The following ZNF737 variants were observed in gnomAD, a reference collection of about 807,000 sequenced individuals.
ZNF737 encodes the protein zinc finger protein 102 (Y3).
ZNF737 carries 13 observed loss-of-function variants against 11.7 expected under a neutral mutation model. The ratio of observed to expected loss-of-function variants is 1.11; its 90% CI spans 0.73 to 1.77. The LOEUF (loss-of-function observed/expected upper bound fraction) is 1.77, where lower values mean the gene tolerates loss of function less well. ZNF737 is among the 40% of genes most tolerant of loss of function. The probability of loss-of-function intolerance (pLI) is 0.00; values close to 1 mark genes in which losing one functional copy is unlikely to be tolerated. For synonymous variants in ZNF737, 217 were observed against 216.2 expected (o/e 1.00, Z -0.03); for missense variants, 636 against 638.0 (o/e 1.00, Z 0.03).
rs996541769 is a variant in ZNF737, at chr19:20,541,904, T to G, written c.*2688A>C. ...TTACCATAATGTAATTACTACATATTGTAGGCCTGAGTCAAAAGATGCCAT... is the reference window on the plus strand; with the variant it reads ...TTACCATAATGTAATTACTACATATGGTAGGCCTGAGTCAAAAGATGCCAT... On this transcript the variant is annotated 3_prime_UTR_variant, in exon 4 of 4. Coordinates refer to ENST00000427401, the MANE Select transcript of ZNF737 (RefSeq NM_001159293.2). 1 of 486,594 alleles carries G rather than the reference T, an allele frequency of 2.1e-6. No homozygotes were observed. Among genetic ancestry groups the G allele is most frequent in the Non-Finnish European group, 2.7e-6 (1 of 374,820 alleles). 30.1% of individuals were successfully genotyped at this position (486,594 alleles called of 1,614,324 possible).
At chr19:20,551,964 GAAA>G (rs34524374) in intron 3 of ZNF737, among the ~76,000 whole-genome samples, 3 of 140,344 alleles carry the variant, frequency 2.1e-5, no homozygotes. Context: ...AAGCAATCTT[GAAA>G]AAAAAAAAGA....
chr19:20,542,756 T>G lies in ZNF737; in HGVS notation c.*1836A>C. 1 of 984,854 alleles carries G rather than the reference T, an allele frequency of 1.0e-6. No individual in the cohort carries two copies. The highest frequency in any genetic ancestry group is 1.2e-6 in the Non-Finnish European group (1 of 829,452). 61.0% of individuals were successfully genotyped at this position (984,854 alleles called of 1,614,324 possible). On this transcript the variant is annotated 3_prime_UTR_variant, in exon 4 of 4. Transcript: ENST00000427401. ...ACATTTTAATGTTCTTACTATTTTATAGAAAAAGTCATAATGTCCAAATAA... is the reference window on the plus strand; with the variant it reads ...ACATTTTAATGTTCTTACTATTTTAGAGAAAAAGTCATAATGTCCAAATAA...
chr19:20,552,817 G>T (rs573747362), intron 2 of ZNF737, among the ~76,000 whole-genome samples: 109 of 152,038 alleles, frequency 7.2e-4, no homozygotes, highest in Non-Finnish European at 1.4e-3. Context: ...TTAGAGACCA[G>T]CCTGGCCAGC....
At chr19:20,563,283 C>A (rs1353652303) in intron 1 of ZNF737, among the ~76,000 whole-genome samples, 1 of 148,630 alleles carries the variant, frequency 6.7e-6, no homozygotes, top group African/African-American at 2.5e-5. Context: ...CAGGCTGGGA[C>A]ATGTGCAGGG....
intron 1 of ZNF737, 118 bp downstream of exon 1, chr19:20,565,520 A>T: frequency 6.4e-7 from 1 of 1,551,284 alleles, no homozygotes; most frequent in Non-Finnish European, 8.9e-7. Flanking sequence ...GGCAAGGAGA[A>T]CTCAGGGTGC....
downstream of ZNF737, among the ~76,000 whole-genome samples, chr19:20,531,351 T>C (rs950858016): frequency 2.7e-5 from 4 of 149,854 alleles, no homozygotes; most frequent in Admixed American, 1.3e-4. Context: ...CTGTTGTTGA[T>C]TTTAAAATTA....
At chr19:20,564,435 T>A (rs1555763272) in intron 1 of ZNF737, among the ~76,000 whole-genome samples, 1 of 152,026 alleles carries the variant, frequency 6.6e-6, no homozygotes, top group Non-Finnish European at 1.5e-5. Flanking sequence ...ATTTTCCCTA[T>A]TTTTTTCCTT....
At chr19:20,530,802 T>C in the ZNF737 span, among the ~76,000 whole-genome samples, 85,268 of 143,554 alleles carry the variant, frequency 0.59, 29,066 homozygotes, top group African/African-American at 0.88. Context: ...CAGGCAGAGA[T>C]GCTCCTCACT....
At chr19:20,535,378 A>C (rs1967932633), downstream of ZNF737, among the ~76,000 whole-genome samples, 1 of 152,234 alleles carries the variant, frequency 6.6e-6, no homozygotes, top group African/African-American at 2.4e-5. Flanking sequence ...CAATAGGTGA[A>C]TGGAGAAAGA....
chr19:20,533,270 T>C (rs1967873276), downstream of ZNF737, among the ~76,000 whole-genome samples: 1 of 150,172 alleles, frequency 6.7e-6, no homozygotes, highest in Non-Finnish European at 1.5e-5. Flanking sequence ...CTAGATATAG[T>C]ATTCTATAGG....
intron 3 of ZNF737, among the ~76,000 whole-genome samples, chr19:20,551,666 GAA>G (rs1158906538): frequency 6.6e-6 from 1 of 150,820 alleles, no homozygotes; most frequent in Non-Finnish European, 1.5e-5. Flanking sequence ...AATAGAGGAA[GAA>G]AAAATCTTAT....
In ZNF737 at chr19:20,540,186, T is replaced by C. The variant is rs1303688586; in HGVS notation, c.*4406A>G. The C allele has an allele frequency of 1.0e-6, 1 of 983,438 alleles. No homozygotes were observed. Among genetic ancestry groups the C allele is most frequent in the Admixed American group, 6.2e-5 (1 of 16,260 alleles). The allele number at this position is 983,438 out of a possible 1,614,324, so 60.9% of individuals were successfully genotyped here. A position where few individuals can be genotyped will look rare whatever the true frequency, so the allele number is the denominator to read the frequency against. On this transcript the variant is annotated 3_prime_UTR_variant, in exon 4 of 4. Coordinates refer to ENST00000427401, the MANE Select transcript of ZNF737 (RefSeq NM_001159293.2). Reference sequence around the variant, plus strand: ...ACCATAAGCAGCTTACAACATGTTCTACCTAGAAGTCACTTACTTTCAGGC... The same window carrying C: ...ACCATAAGCAGCTTACAACATGTTCCACCTAGAAGTCACTTACTTTCAGGC...
intron 2 of ZNF737, among the ~76,000 whole-genome samples, chr19:20,553,408 G>C (rs1466507956): frequency 6.6e-6 from 1 of 152,094 alleles, no homozygotes; most frequent in Non-Finnish European, 1.5e-5. Flanking sequence ...ACAGGCATGT[G>C]CCACCATGCC....
chr19:20,533,538 G>A (rs1431930496), downstream of ZNF737, among the ~76,000 whole-genome samples: 2 of 149,638 alleles, frequency 1.3e-5, no homozygotes, highest in Admixed American at 6.7e-5. Context: ...AAATTATAGA[G>A]CGTATACTAA....
chr19:20,555,675 G>T (rs1417097026), intron 1 of ZNF737, among the ~76,000 whole-genome samples: 1 of 152,186 alleles, frequency 6.6e-6, no homozygotes, highest in Non-Finnish European at 1.5e-5. Flanking sequence ...TTTGACTATC[G>T]TAAGAATTTT....
chr19:20,534,446 AG>A (rs1325664360), downstream of ZNF737, among the ~76,000 whole-genome samples: 7 of 111,612 alleles, frequency 6.3e-5, no homozygotes, highest in African/African-American at 2.5e-4. Context: ...TCTCAAAAAA[AG>A]AAAAAATATC....
intron 1 of ZNF737, among the ~76,000 whole-genome samples, chr19:20,555,729 T>C (rs945381420): frequency 1.3e-5 from 2 of 152,036 alleles, no homozygotes; most frequent in African/African-American, 4.8e-5. Context: ...GAAACACAAG[T>C]AGAGAAGTAA....
intron 3 of ZNF737, among the ~76,000 whole-genome samples, chr19:20,547,395 A>C (rs1342475349): frequency 2.6e-5 from 4 of 151,448 alleles, no homozygotes; most frequent in African/African-American, 4.8e-5. Flanking sequence ...AAAAAAAAAA[A>C]AAAAAACACC....
chr19:20,565,481 T>G (rs1259262387), intron 1 of ZNF737, among the ~76,000 whole-genome samples, 157 bp downstream of exon 1: 1 of 151,984 alleles, frequency 6.6e-6, no homozygotes, highest in Non-Finnish European at 1.5e-5. Flanking sequence ...GCCGCCAAAT[T>G]ATGGCTGAAC....
Sources: allele counts gnomAD v4.1 joint callset (sites outside exome capture counted in the v4.1 genomes callset), GRCh38; gene constraint gnomAD v4.1.1; transcripts MANE v1.5; gene names NCBI Gene and HGNC (gene_info 2026-07-23, HGNC 2026-07-21).